Variants in PDIA5 observed in about 807,000 individuals in gnomAD.
The protein encoded by PDIA5 is protein disulfide-isomerase A5.
A neutral mutation model predicts 77.6 loss-of-function variants in PDIA5; 58 were observed. The observed-to-expected ratio is 0.75, with a 90% CI of 0.61 to 0.93. The LOEUF (loss-of-function observed/expected upper bound fraction) is 0.93. Among genes scored for constraint, PDIA5 ranks in the 40% least tolerant of loss-of-function variants. The pLI, the probability that PDIA5 is intolerant of heterozygous loss-of-function variation, is 0.00. For synonymous variants in PDIA5, 250 were observed against 252.1 expected (o/e 0.99, Z 0.08); for missense variants, 630 against 647.7 (o/e 0.97, Z 0.30).
chr3:123,155,944 A>G (rs950720526), intron 15 of PDIA5, among the ~76,000 whole-genome samples: 11 of 152,102 alleles, frequency 7.2e-5, no homozygotes, highest in African/African-American at 2.7e-4. Context: ...AAGCAGGCCT[A>G]GACGGAAGTT....
At chr3:123,131,265 G>A (rs945377227) in intron 11 of PDIA5, among the ~76,000 whole-genome samples, 3 of 151,844 alleles carry the variant, frequency 2.0e-5, no homozygotes, top group African/African-American at 7.3e-5. Context: ...ACAAGACCCT[G>A]TCTCATTAGC....
chr3:123,152,342 G>T (rs1935933576), intron 14 of PDIA5, among the ~76,000 whole-genome samples: 1 of 152,166 alleles, frequency 6.6e-6, no homozygotes, highest in Non-Finnish European at 1.5e-5. Flanking sequence ...CCAGGGCAGG[G>T]TCACTGAGTG....
intron 6 of PDIA5, 69 bp downstream of exon 6, chr3:123,106,910 G>C: frequency 2.9e-6 from 3 of 1,026,346 alleles, no homozygotes; most frequent in Non-Finnish European, 4.5e-6. Context: ...CCCAAGGAAA[G>C]GAGCCCAACG....
chr3:123,096,202 G>T (rs1036798961), intron 3 of PDIA5, among the ~76,000 whole-genome samples: 1 of 151,776 alleles, frequency 6.6e-6, no homozygotes, highest in Non-Finnish European at 1.5e-5. Context: ...CCATTGCATG[G>T]CCCTTTTTGT....
chr3:123,076,053 A>T (rs1933848753), intron 1 of PDIA5, among the ~76,000 whole-genome samples: 1 of 152,174 alleles, frequency 6.6e-6, no homozygotes, highest in Non-Finnish European at 1.5e-5. Context: ...AGCAGAGGGA[A>T]GATGGATCAG....
At chr3:123,070,938 TTTTG>T (rs1250732820) in intron 1 of PDIA5, among the ~76,000 whole-genome samples, 1 of 152,132 alleles carries the variant, frequency 6.6e-6, no homozygotes, top group East Asian at 1.9e-4. Flanking sequence ...TGGTGTATTT[TTTTG>T]TTTGTTTGTT....
rs1377479074 is a variant in PDIA5 at position 123,124,077 on chromosome 3, G to A, written c.621G>A (p.Gly207=). 1.2e-6 allele frequency: 2 copies of A among 1,613,698 alleles called. No individual in the cohort carries two copies. Among genetic ancestry groups the A allele is most frequent in the Admixed American group, 3.3e-5 (2 of 60,030 alleles). ...CCGCTTCCTCCCAGGTGCTGGCCGGGATGAATGTCTACTCCTCTGAATTTG... is the reference window on the plus strand; with the variant it reads ...CCGCTTCCTCCCAGGTGCTGGCCGGAATGAATGTCTACTCCTCTGAATTTG... ...TQLRGHAVLA[G]MNVYSSEFEN... Residue 207 remains glycine, a synonymous_variant, in exon 9 of 17, where the codon GGG becomes GGA. Coordinates refer to ENST00000316218, the MANE Select transcript of PDIA5 (RefSeq NM_006810.4).
At chr3:123,089,545 C>T (rs899140544) in intron 2 of PDIA5, among the ~76,000 whole-genome samples, 4 of 152,266 alleles carry the variant, frequency 2.6e-5, no homozygotes, top group Admixed American at 2.0e-4. Flanking sequence ...TGGAGCCCCT[C>T]ACTCCTCAAG....
At position 123,116,287 on chromosome 3, in the gene PDIA5, C is replaced by A; in HGVS notation, c.598C>A (p.Arg200=). The A allele has an allele frequency of 1.2e-6, 2 of 1,613,172 alleles. No homozygotes were observed. The highest frequency in any genetic ancestry group is 1.7e-6 in the Non-Finnish European group (2 of 1,179,706). ...PHFQKAATQL[R]GHAVLAGMNV... is the part of the protein sequence containing the mutation. ...TTTCCAGAAGGCTGCGACTCAGCTGCGAGGCCACGCCGTAAGTGAGGCGCC... is the reference window on the plus strand; with the variant it reads ...TTTCCAGAAGGCTGCGACTCAGCTGAGAGGCCACGCCGTAAGTGAGGCGCC... Residue 200 remains arginine, a synonymous_variant, in exon 8 of 17, where the codon CGA becomes AGA. Transcript: ENST00000316218.
chr3:123,150,986 C>G (rs556244640), intron 14 of PDIA5, among the ~76,000 whole-genome samples: 89 of 152,368 alleles, frequency 5.8e-4, no homozygotes, highest in African/African-American at 2.1e-3. Flanking sequence ...GCCCTTCTCT[C>G]TCTCCCCCAG....
At chr3:123,155,455 G>A (rs1935999835) in intron 15 of PDIA5, among the ~76,000 whole-genome samples, 1 of 152,226 alleles carries the variant, frequency 6.6e-6, no homozygotes, top group Non-Finnish European at 1.5e-5. Flanking sequence ...CCCTGCCTAA[G>A]TGAAAGGCTC....
At chr3:123,095,781 G>A (rs892307922) in intron 3 of PDIA5, among the ~76,000 whole-genome samples, 1 of 151,296 alleles carries the variant, frequency 6.6e-6, no homozygotes, top group African/African-American at 2.4e-5. Context: ...ACAGGGTGCA[G>A]TGCAGTGGAA....
At chr3:123,113,597 G>C (rs531868297) in intron 7 of PDIA5, among the ~76,000 whole-genome samples, 1 of 152,128 alleles carries the variant, frequency 6.6e-6, no homozygotes, top group Non-Finnish European at 1.5e-5. Flanking sequence ...GATTATGCAC[G>C]TGTGTATGAT....
rs1432527788 is a variant in PDIA5, at chr3:123,124,275, A to C, written c.705A>C (p.Lys235Asn). ...GTTGTTTCTCCACGTTTCACAGGAA[A>C]GGACGGTTCTTGTTCCAGTATGACA... ...RGFPTICYFE[K>N]GRFLFQYDNY... is the part of the protein sequence containing the mutation. Residue 235 changes from lysine to asparagine, a missense_variant, in exon 10 of 17, where the codon AAA becomes AAC. Coordinates refer to ENST00000316218, the MANE Select transcript of PDIA5 (RefSeq NM_006810.4). The C allele has an allele frequency of 2.5e-6, 4 of 1,612,378 alleles. No homozygotes were observed. Among genetic ancestry groups the C allele is most frequent in the Non-Finnish European group, 3.4e-6 (4 of 1,178,454 alleles).
intron 3 of PDIA5, among the ~76,000 whole-genome samples, chr3:123,096,538 T>C (rs563386417): frequency 2.7e-4 from 41 of 152,246 alleles, no homozygotes; most frequent in South Asian, 1.9e-3. Flanking sequence ...TATGGATATA[T>C]ATTTTCCTTT....
chr3:123,077,841 A>G (rs1933894240), intron 1 of PDIA5, among the ~76,000 whole-genome samples: 1 of 148,148 alleles, frequency 6.8e-6, no homozygotes, highest in African/African-American at 2.5e-5. Flanking sequence ...ACAGAGTCTC[A>G]CTCTGTTGCC....
intron 6 of PDIA5, 109 bp from the exon 7 acceptor site, chr3:123,110,835 C>T: frequency 1.1e-6 from 1 of 928,668 alleles, no homozygotes; most frequent in South Asian, 1.3e-5. Flanking sequence ...TCCCCCTCCC[C>T]TCCCCATCCC....
intron 1 of PDIA5, among the ~76,000 whole-genome samples, chr3:123,083,037 C>T (rs1934048322): frequency 6.6e-6 from 1 of 152,174 alleles, no homozygotes; most frequent in South Asian, 2.1e-4. Flanking sequence ...GTTACAAGAG[C>T]ACGGCAGGGG....
chr3:123,145,461 AG>A, intron 11 of PDIA5, 60 bp from the exon 12 acceptor site: 1 of 1,303,110 alleles, frequency 7.7e-7, no homozygotes, highest in Non-Finnish European at 1.1e-6. Flanking sequence ...GAGGCGGCGC[AG>A]GGGAGCATCC....
Sources: gnomAD v4.1 joint callset for allele counts (sites outside exome capture counted in the v4.1 genomes callset) on GRCh38, gnomAD v4.1.1 for gene constraint, MANE v1.5 for transcripts, NCBI Gene and HGNC (gene_info 2026-07-23, HGNC 2026-07-21) for gene names.